SDK1: variants seen among roughly 807,000 people sequenced by gnomAD.
The protein encoded by SDK1 is protein sidekick-1.
In SDK1, 157 loss-of-function variants were observed where a neutral mutation model predicts 245.5. The ratio of observed to expected loss-of-function variants is 0.64; its 90% CI spans 0.56 to 0.73. The LOEUF is 0.73. Among genes scored for constraint, SDK1 ranks in the 30% least tolerant of loss-of-function variants. The pLI is 0.00. For synonymous variants in SDK1, 1,647 were observed against 1,278.5 expected, an observed-to-expected ratio of 1.29 and a Z score of -6.15; for missense variants, 3,583 against 3,002.3, an observed-to-expected ratio of 1.19 and a Z score of -4.52.
intron 35 of SDK1, among the ~76,000 whole-genome samples, chr7:4,190,560 C>G (rs1026915535): frequency 6.6e-6 from 1 of 152,228 alleles, no homozygotes; most frequent in Non-Finnish European, 1.5e-5. Context: ...AAGAAGCCCT[C>G]GCCAAGGAGT....
At chr7:3,901,873 AAT>A (rs1781802016) in intron 5 of SDK1, among the ~76,000 whole-genome samples, 1 of 152,152 alleles carries the variant, frequency 6.6e-6, no homozygotes, top group Non-Finnish European at 1.5e-5. Context: ...GTGTTAATTG[AAT>A]ATGTTATAAT....
At chr7:3,912,963 C>T (rs1779230404) in intron 5 of SDK1, among the ~76,000 whole-genome samples, 1 of 152,254 alleles carries the variant, frequency 6.6e-6, no homozygotes, top group Admixed American at 6.5e-5. Flanking sequence ...CCGTGGAGGG[C>T]CGAAGGCAAG....
At chr7:3,680,869 A>G (rs537161791) in intron 4 of SDK1, among the ~76,000 whole-genome samples, 24 of 151,930 alleles carry the variant, frequency 1.6e-4, no homozygotes, top group Admixed American at 3.3e-4. Flanking sequence ...TTTGAGATGG[A>G]GTCTCGCTCT....
chr7:3,958,973 C>G lies in SDK1; in HGVS notation c.1193C>G (p.Ala398Gly), dbSNP rs1478742486. 1 of 1,613,992 alleles carries G rather than the reference C, an allele frequency of 6.2e-7. No individual in the cohort carries two copies. The highest frequency in any genetic ancestry group is 1.7e-5 in the Admixed American group (1 of 60,004). ...FTAEPESRIS[A>G]EVEETVDIGC... ...GCTGAGCCCGAGAGTCGGATTTCAG[C>G]TGAAGTAGAAGAAACTGTGGACATC... Residue 398 changes from alanine to glycine, a missense_variant, in exon 8 of 45, where the codon GCT becomes GGT. By Grantham distance (60) the Ala-to-Gly change is moderately conservative (BLOSUM62 0). Transcript: ENST00000404826.
At chr7:3,311,590 A>G (rs1219249177) in intron 1 of SDK1, among the ~76,000 whole-genome samples, 1 of 152,184 alleles carries the variant, frequency 6.6e-6, no homozygotes, top group Non-Finnish European at 1.5e-5. Context: ...GAGGCTGGGA[A>G]AAAAAATTGT....
chr7:3,842,585 G>A (rs1015705984), intron 5 of SDK1, among the ~76,000 whole-genome samples: 7 of 152,186 alleles, frequency 4.6e-5, no homozygotes, highest in Non-Finnish European at 8.8e-5. Flanking sequence ...CAGGTGACTC[G>A]CCAGGTGTCC....
chr7:3,474,654 A>G (rs575053916), intron 1 of SDK1, among the ~76,000 whole-genome samples: 5 of 152,112 alleles, frequency 3.3e-5, no homozygotes, highest in African/African-American at 9.6e-5. Flanking sequence ...TAATGTCATC[A>G]TATTCAAATT....
At chr7:3,580,996 C>CAAAAAAAAAAAAAAAAAAAAAAAAAAAA (rs1418335916) in intron 1 of SDK1, among the ~76,000 whole-genome samples, 1 of 92,952 alleles carries the variant, frequency 1.1e-5, no homozygotes, top group Admixed American at 1.4e-4. Flanking sequence ...AAAAAAAAAC[C>CAAAAAAAAAAAAAAAAAAAAAAAAAAAA]AAAACAAAAC....
intron 40 of SDK1, among the ~76,000 whole-genome samples, chr7:4,228,530 C>T (rs1452726827): frequency 6.6e-6 from 1 of 152,190 alleles, no homozygotes; most frequent in African/African-American, 2.4e-5. Context: ...CCTCTTCCAG[C>T]CGGGCATTGC....
chr7:4,195,849 T>C (rs1584419601), intron 35 of SDK1, among the ~76,000 whole-genome samples: 1 of 152,124 alleles, frequency 6.6e-6, no homozygotes, highest in Non-Finnish European at 1.5e-5. Flanking sequence ...GCAGCCACGG[T>C]GGCAACAAGC....
At chr7:3,531,469 T>C (rs980826581) in intron 1 of SDK1, among the ~76,000 whole-genome samples, 12 of 152,222 alleles carry the variant, frequency 7.9e-5, no homozygotes, top group Non-Finnish European at 1.6e-4. Context: ...CTTTGGACTT[T>C]TTCACTGAGA....
chr7:3,451,544 T>C (rs184020726), intron 1 of SDK1, among the ~76,000 whole-genome samples: 23 of 152,288 alleles, frequency 1.5e-4, no homozygotes, highest in African/African-American at 5.1e-4. Context: ...GTCAGTGTTA[T>C]CAGCAGTAGA....
chr7:3,416,941 G>A lies in SDK1; in HGVS notation c.298+115057G>A, dbSNP rs189102129. ...TAATCCCAGCACTTTGGGAGGATGA[G>A]GTGGATGGATCACCTGAGGTCAGGA... On this transcript the variant is annotated intron_variant, in intron 1 of 44. Transcript: ENST00000404826. Among the ~76,000 whole-genome samples, 84 of 152,290 alleles carry A rather than the reference G, an allele frequency of 5.5e-4. No individual in the cohort carries two copies. In the East Asian group the frequency reaches 0.015, roughly 27 times the overall value.
At chr7:3,590,394 A>G (rs1780830619) in intron 1 of SDK1, among the ~76,000 whole-genome samples, 2 of 151,734 alleles carry the variant, frequency 1.3e-5, no homozygotes, top group South Asian at 4.2e-4. Flanking sequence ...AAATTGGAAA[A>G]TCAAACTCTG....
intron 32 of SDK1, among the ~76,000 whole-genome samples, chr7:4,163,348 G>A (rs536009597): frequency 5.1e-4 from 77 of 152,306 alleles, no homozygotes; most frequent in African/African-American, 1.8e-3. Context: ...ATGATGGTTC[G>A]GGAAGTCAGG....
chr7:4,265,637 C>T lies in SDK1; in HGVS notation c.*253C>T. On this transcript the variant is annotated 3_prime_UTR_variant, in exon 45 of 45. Coordinates refer to ENST00000404826, the MANE Select transcript of SDK1 (RefSeq NM_152744.4). The stretch of plus-strand genomic sequence containing the variant: ...TCTTTTTAAGAGAAGGTGTATTTCA[C>T]TGGTGCAATGGCTTGGCACCTCCGG... 2.3e-6 allele frequency: 3 copies of T among 1,299,346 alleles called. No homozygotes were observed. The highest frequency in any genetic ancestry group is 2.9e-6 in the Non-Finnish European group (3 of 1,030,456). 80.5% of individuals were successfully genotyped at this position (1,299,346 alleles called of 1,614,324 possible). A position where few individuals can be genotyped will look rare whatever the true frequency, so the allele number is the denominator to read the frequency against.
intron 4 of SDK1, among the ~76,000 whole-genome samples, chr7:3,675,076 G>A (rs532019489): frequency 3.3e-5 from 5 of 152,304 alleles, no homozygotes; most frequent in South Asian, 2.1e-4. Context: ...TCTCATGCCC[G>A]TGAGCCATCT....
At position 3,907,303 on chromosome 7, in the gene SDK1, G is replaced by A. The variant is rs574714365; in HGVS notation, c.848-43620G>A. Among the ~76,000 whole-genome samples, 13 of 152,030 alleles carry A rather than the reference G, an allele frequency of 8.6e-5. No homozygotes were observed. The East Asian group carries it at 1.2e-3, about 14-fold the overall frequency. On this transcript the variant is annotated intron_variant, in intron 5 of 44. Coordinates refer to ENST00000404826, the MANE Select transcript of SDK1 (RefSeq NM_152744.4). ...CTCCTCTATTCCCACCTCCCCTTTCGCCACTGGTAGCTGCTTTTCTGCCTA... is the reference window on the plus strand; with the variant it reads ...CTCCTCTATTCCCACCTCCCCTTTCACCACTGGTAGCTGCTTTTCTGCCTA...
chr7:3,760,116 A>G (rs1780050810), intron 4 of SDK1, among the ~76,000 whole-genome samples: 1 of 127,964 alleles, frequency 7.8e-6, no homozygotes, highest in African/African-American at 3.6e-5. Context: ...AAAACATGGA[A>G]AATTCCTCCA....
Sources: allele counts gnomAD v4.1 joint callset (sites outside exome capture counted in the v4.1 genomes callset), GRCh38; gene constraint gnomAD v4.1.1; transcripts MANE v1.5; gene names NCBI Gene and HGNC (gene_info 2026-07-23, HGNC 2026-07-21).